Variants in RABGGTA observed in about 807,000 individuals in gnomAD.
The protein encoded by RABGGTA is geranylgeranyl transferase type-2 subunit alpha.
RABGGTA carries 69 observed loss-of-function variants against 83.3 expected under a neutral mutation model. That is an observed-to-expected ratio of 0.83 (90% CI 0.68 to 1.01). The LOEUF is 1.01. Among genes scored for constraint, RABGGTA ranks in the 50% least tolerant of loss-of-function variants. The probability of loss-of-function intolerance (pLI) is 0.00; values close to 1 mark genes in which losing one functional copy is unlikely to be tolerated. For synonymous variants in RABGGTA, 310 were observed against 299.8 expected, an observed-to-expected ratio of 1.03 and a Z score of -0.35; for missense variants, 681 against 712.7, an observed-to-expected ratio of 0.96 and a Z score of 0.51.
rs2040908007 is a variant in RABGGTA at position 24,268,908 on chromosome 14, CACTA to C, written c.797_798+2del. 1 of 1,582,320 alleles carries C rather than the reference CACTA, an allele frequency of 6.3e-7. No homozygotes were observed. The highest frequency in any genetic ancestry group is 1.7e-4 in the Middle Eastern group (1 of 6,018). On this transcript the variant is annotated splice_donor_variant and coding_sequence_variant, in exon 8 of 17. Transcript: ENST00000216840. LOFTEE classifies it high-confidence loss of function. ...TGCTCTTGACAAAAGCTGCAGGACT[CACTA>C]AGAGGGGCCGAGAGAAGGAGACAGT...
Position 24,271,489 on chromosome 14 carries a change from G to C in RABGGTA, c.-57C>G, listed in dbSNP as rs1455845541. On this transcript the variant is annotated splice_region_variant and 5_prime_UTR_variant, in exon 1 of 17. Coordinates refer to ENST00000216840, the MANE Select transcript of RABGGTA (RefSeq NM_182836.3). ...CCGCCCCCCGCGGGCGGACCCACCT[G>C]CGCTGGGAGGAGGCGCGGGGGACGC... is the stretch of plus-strand genomic sequence containing the variant. The C allele has an allele frequency of 5.2e-6, 1 of 190,876 alleles. No individual in the cohort carries two copies. The highest frequency in any genetic ancestry group is 2.3e-5 in the African/African-American group (1 of 42,914). 11.8% of individuals were successfully genotyped at this position (190,876 alleles called of 1,614,324 possible).
In RABGGTA at chr14:24,270,135, G is replaced by A. The variant is rs1224433855; in HGVS notation, c.245C>T (p.Pro82Leu). Reference protein sequence around the residue: ...VLQQLETQKSPEELAALVKAE... With the variant: ...VLQQLETQKSLEELAALVKAE... ...CTTCACCAGAGCAGCCAACTCTTCAGGAGACCTGTACCCAGAAGGGAAGGG... is the reference window on the plus strand; with the variant it reads ...CTTCACCAGAGCAGCCAACTCTTCAAGAGACCTGTACCCAGAAGGGAAGGG... Residue 82 changes from proline to leucine, a missense_variant, in exon 5 of 17, where the codon CCT becomes CTT. Transcript: ENST00000216840. 1 of 1,604,820 alleles carries A rather than the reference G, an allele frequency of 6.2e-7. No homozygotes were observed. Among genetic ancestry groups the A allele is most frequent in the East Asian group, 2.3e-5 (1 of 44,390 alleles).
At position 24,270,819 on chromosome 14, in the gene RABGGTA, T is replaced by C. The variant is rs2040938654; in HGVS notation, c.114+18A>G. ...TAAGGGAGCTACTTGGGGTCGGGGCTACCTCTGAGGGCCCCACCTTCTGGA... is the reference window on the plus strand; with the variant it reads ...TAAGGGAGCTACTTGGGGTCGGGGCCACCTCTGAGGGCCCCACCTTCTGGA... On this transcript the variant is annotated intron_variant, in intron 3 of 16. Transcript: ENST00000216840. 3 of 1,611,638 alleles carry C rather than the reference T, an allele frequency of 1.9e-6. No individual in the cohort carries two copies. The highest frequency in any genetic ancestry group is 8.5e-7 in the Non-Finnish European group (1 of 1,178,830).
At position 24,271,155 on chromosome 14, in the gene RABGGTA, G is replaced by A. The variant is rs2040944876; in HGVS notation, c.-40C>T. 10 of 1,517,938 alleles carry A rather than the reference G, an allele frequency of 6.6e-6. No homozygotes were observed. Among genetic ancestry groups the A allele is most frequent in the Admixed American group, 4.5e-5 (2 of 44,244 alleles). The allele number at this position is 1,517,938 out of a possible 1,614,324, so 94.0% of individuals were successfully genotyped here. A position where few individuals can be genotyped will look rare whatever the true frequency, so the allele number is the denominator to read the frequency against. On this transcript the variant is annotated 5_prime_UTR_variant, in exon 2 of 17. Coordinates refer to ENST00000216840, the MANE Select transcript of RABGGTA (RefSeq NM_182836.3). ...GTTCAAGACAGGGGAAGGGTCCAGTGGTAGCCCTTGAAGTCTGAGGAGAGA... is the reference window on the plus strand; with the variant it reads ...GTTCAAGACAGGGGAAGGGTCCAGTAGTAGCCCTTGAAGTCTGAGGAGAGA...
In RABGGTA at chr14:24,270,876, C is replaced by T; in HGVS notation, c.75G>A (p.Leu25=). 6.2e-7 allele frequency: 1 copy of T among 1,614,048 alleles called. No homozygotes were observed. The highest frequency in any genetic ancestry group is 8.5e-7 in the Non-Finnish European group (1 of 1,179,886). ...CCTGGGTGGCTGACTGGTATAGCTT[C>T]AGCTTCTGCTCTCGCTCTAGCCTTT... ...EAKRLEREQK[L]KLYQSATQAV... is the part of the protein sequence containing the mutation. The change falls in exon 3 of 17, where the codon CTG becomes CTA. Residue 25 remains leucine (L), a synonymous_variant. Transcript: ENST00000216840.
chr14:24,271,291 C>A (rs1594585191), intron 1 of RABGGTA, 122 bp from the exon 2 acceptor site: 2 of 769,134 alleles, frequency 2.6e-6, no homozygotes, highest in Admixed American at 3.3e-5. Flanking sequence ...CTGGGACAGG[C>A]TTTGCACGTT....
At chr14:24,271,016 T>G in intron 2 of RABGGTA, 69 bp from the exon 3 acceptor site, 1 of 1,600,998 alleles carries the variant, frequency 6.2e-7, no homozygotes, top group Non-Finnish European at 8.5e-7. Flanking sequence ...AACCCCACAC[T>G]GTGGAGCCCT....
rs751230788 is a variant in RABGGTA, at chr14:24,265,626, CGCT to C, written c.1690_1692del (p.Ser564del). On this transcript the variant is annotated inframe_deletion, in exon 17 of 17. Transcript: ENST00000216840. ...GGGGGCAGGGCCTCTTAGGTGAGGA[CGCT>C]GCTAACTGAAGGCAGCAGTTCAGCC... 4.3e-6 allele frequency: 7 copies of C among 1,613,532 alleles called. No homozygotes were observed. The South Asian group carries it at 7.7e-5, about 18-fold the overall frequency.
Position 24,269,614 on chromosome 14 carries a change from G to A in RABGGTA, c.508C>T (p.Leu170Phe). 1 of 1,613,966 alleles carries A rather than the reference G, an allele frequency of 6.2e-7. No homozygotes were observed. The highest frequency in any genetic ancestry group is 8.5e-7 in the Non-Finnish European group (1 of 1,179,806). Residue 170 changes from leucine (L) to phenylalanine (F), a missense_variant, in exon 6 of 17, where the codon CTC (leucine) becomes TTC (phenylalanine). Coordinates refer to ENST00000216840, the MANE Select transcript of RABGGTA (RefSeq NM_182836.3). ...TAGTTGGAGAAGTTTCGGGTGATGAGGCTGTCAGTGAAGGCTAGCTCTTCT... is the reference window on the plus strand; with the variant it reads ...TAGTTGGAGAAGTTTCGGGTGATGAAGCTGTCAGTGAAGGCTAGCTCTTCT... ...PAEELAFTDS[L>F]ITRNFSNYSS...
chr14:24,266,895 G>A lies in RABGGTA; in HGVS notation c.1354-6C>T, dbSNP rs776273672. On this transcript the variant is annotated splice_polypyrimidine_tract_variant and splice_region_variant and intron_variant, in intron 14 of 16. Transcript: ENST00000216840. The stretch of plus-strand genomic sequence containing the variant: ...TGGCAGAGCACTGTCAGATCCTGGG[G>A]GGTGAAGGGAGGAAGGAGGTGATGG... 2 of 1,608,808 alleles carry A rather than the reference G, an allele frequency of 1.2e-6. No individual in the cohort carries two copies. The highest frequency in any genetic ancestry group is 8.5e-7 in the Non-Finnish European group (1 of 1,175,432).
intron 1 of RABGGTA, 119 bp from the exon 2 acceptor site, chr14:24,271,288 A>G: frequency 3.7e-6 from 3 of 812,796 alleles, no homozygotes; most frequent in Admixed American, 3.2e-5. Context: ...GTCCTGGGAC[A>G]GGCTTTGCAC....
intron 3 of RABGGTA, 134 bp from the exon 4 acceptor site, chr14:24,270,592 C>G: frequency 8.1e-7 from 1 of 1,234,102 alleles, no homozygotes. Context: ...TGCTTTATGG[C>G]CTTACAGGTA....
rs1251507751 is a variant in RABGGTA at position 24,265,686 on chromosome 14, G to C, written c.1633C>G (p.Leu545Val). Residue 545 changes from leucine (L) to valine (V), a missense_variant, in exon 17 of 17, where the codon CTG (leucine) becomes GTG (valine). By Grantham distance (32) the Leu-to-Val change is conservative (BLOSUM62 1). This residue lies in a region of RABGGTA where 421 missense variants were observed against 418.5 expected (regional missense o/e 1.01). Coordinates refer to ENST00000216840, the MANE Select transcript of RABGGTA (RefSeq NM_182836.3). ...TCCAAGATGCCCACCGCTTGGCACA[G>C]CGGGTTACCCTGCAGGTTGAGGAGG... is the stretch of plus-strand genomic sequence containing the variant. ...LVLLNLQGNP[L>V]CQAVGILEQL... is the part of the protein sequence containing the mutation. 1.2e-6 allele frequency: 2 copies of C among 1,613,340 alleles called. No homozygotes were observed. The highest frequency in any genetic ancestry group is 2.7e-5 in the African/African-American group (2 of 74,932).
chr14:24,269,572 G>A lies in RABGGTA; in HGVS notation c.550C>T (p.Arg184Cys), dbSNP rs761596255. 17 of 1,610,920 alleles carry A rather than the reference G, an allele frequency of 1.1e-5. No homozygotes were observed. The highest frequency in any genetic ancestry group is 2.7e-5 in the African/African-American group (2 of 74,866). ...TGCAGCTGGGGCAAGAGACAGGAGCGGTAATGCCAGGAAGAGTAGTTGGAG... is the reference window on the plus strand; with the variant it reads ...TGCAGCTGGGGCAAGAGACAGGAGCAGTAATGCCAGGAAGAGTAGTTGGAG... ...NFSNYSSWHY[R>C]SCLLPQLHPQ... The change falls in exon 6 of 17, where the codon CGC becomes TGC. Residue 184 changes from arginine (R) to cysteine (C), a missense_variant. Physicochemically the swap from Arg to Cys is radical, Grantham distance 180 (BLOSUM62 -3). This residue lies in a region of RABGGTA where 122 missense variants were observed against 118.9 expected (regional missense o/e 1.03). Transcript: ENST00000216840.
intron 2 of RABGGTA, 29 bp downstream of exon 2, chr14:24,271,084 A>C (rs1472329476): frequency 6.4e-7 from 1 of 1,566,316 alleles, no homozygotes; most frequent in African/African-American, 1.4e-5. Context: ...GGGCCTGCGG[A>C]GGTGAAGGGC....
Position 24,270,931 on chromosome 14 carries a change from A to G in RABGGTA, c.20T>C (p.Val7Ala), listed in dbSNP as rs1431248556. The change falls in exon 3 of 17, where the codon GTG (valine) becomes GCG (alanine). Residue 7 changes from valine to alanine, a missense_variant. By Grantham distance (64) the Val-to-Ala change is moderately conservative (BLOSUM62 0). Around this residue, in one of 5 missense-constraint regions of RABGGTA, gnomAD observed 115 missense variants for 111.5 expected, o/e 1.03. Coordinates refer to ENST00000216840, the MANE Select transcript of RABGGTA (RefSeq NM_182836.3). ...CTCCGCCTGCTCTTCTGACGTCTTC[A>G]CCTTCAGGCGTCCGTGCTACAAGGA... MHGRLK[V>A]KTSEEQAEAK... 6.2e-7 allele frequency: 1 copy of G among 1,613,850 alleles called. No homozygotes were observed. The highest frequency in any genetic ancestry group is 1.7e-5 in the Admixed American group (1 of 60,006).
rs2139046741 is a variant in RABGGTA at position 24,271,493 on chromosome 14, T to G, written c.-61A>C. 2 of 181,786 alleles carry G rather than the reference T, an allele frequency of 1.1e-5. No individual in the cohort carries two copies. 11.3% of individuals were successfully genotyped at this position (181,786 alleles called of 1,614,324 possible). ...CCCCCGCGGGCGGACCCACCTGCGC[T>G]GGGAGGAGGCGCGGGGGACGCGGAG... On this transcript the variant is annotated 5_prime_UTR_variant, in exon 1 of 17. Transcript: ENST00000216840.
rs754591709 is a variant in RABGGTA at position 24,268,897 on chromosome 14, G to C, written c.798+14C>G. The C allele has an allele frequency of 6.3e-7, 1 of 1,580,400 alleles. No individual in the cohort carries two copies. Among genetic ancestry groups the C allele is most frequent in the Non-Finnish European group, 8.6e-7 (1 of 1,163,112 alleles). On this transcript the variant is annotated intron_variant, in intron 8 of 16. Transcript: ENST00000216840. ...CAGTCCCACAGTGCTCTTGACAAAA[G>C]CTGCAGGACTCACTAAGAGGGGCCG... is the stretch of plus-strand genomic sequence containing the variant.
In RABGGTA at chr14:24,266,813, G is replaced by C. The variant is rs1163660582; in HGVS notation, c.1430C>G (p.Thr477Ser). ...CAGGGCAGCCAGTGCAGGTGGCAGG[G>C]TTCGGAGGCGATTGTGTGACAAGTC... Reference protein sequence around the residue: ...HLDLSHNRLRTLPPALAALRC... With the variant: ...HLDLSHNRLRSLPPALAALRC... Residue 477 changes from threonine (T) to serine (S), a missense_variant, in exon 15 of 17, where the codon ACC (threonine) becomes AGC (serine). Physicochemically the swap from Thr to Ser is moderately conservative, Grantham distance 58. Coordinates refer to ENST00000216840, the MANE Select transcript of RABGGTA (RefSeq NM_182836.3). The C allele has an allele frequency of 6.2e-7, 1 of 1,613,866 alleles. No individual in the cohort carries two copies. Among genetic ancestry groups the C allele is most frequent in the Non-Finnish European group, 8.5e-7 (1 of 1,179,878 alleles).
Sources: gnomAD v4.1 joint callset for allele counts on GRCh38, gnomAD v4.1.1 for gene constraint, gnomAD v4.1.1 regional missense constraint, MANE v1.5 for transcripts, NCBI Gene and HGNC (gene_info 2026-07-23, HGNC 2026-07-21) for gene names.